Variants in TRPS1 observed in about 807,000 individuals in gnomAD.
TRPS1 encodes zinc finger transcription factor Trps1.
TRPS1 carries 6 observed loss-of-function variants against 101.2 expected under a neutral mutation model. The ratio of observed to expected loss-of-function variants is 0.06; its 90% confidence interval spans 0.03 to 0.12. TRPS1 has a LOEUF of 0.12. Among genes scored for constraint, TRPS1 ranks in the 10% least tolerant of loss-of-function variants. TRPS1 has a pLI of 1.00. For missense variants in TRPS1, 1,363 were observed against 1,567.0 expected, an observed-to-expected ratio of 0.87 and a Z score of 2.20; for synonymous variants, 578 against 589.8, an observed-to-expected ratio of 0.98 and a Z score of 0.29.
In TRPS1 at chr8:115,619,618, T is replaced by G; in HGVS notation, c.480A>C (p.Ser160=). ...TCTTCTGATCTTCCTTTGTCTCCAG[T>G]GAGTCCCCTGAGGGGGTGCAGGCCA... ...QDMACTPSGD[S]LETKEDQKMS... is the part of the protein sequence containing the mutation. Residue 160 remains serine, a synonymous_variant, in exon 3 of 7, where the codon TCA becomes TCC. Coordinates refer to ENST00000395715, the MANE Select transcript of TRPS1 (RefSeq NM_014112.5). The G allele has an allele frequency of 6.2e-7, 1 of 1,614,222 alleles. No homozygotes were observed. The highest frequency in any genetic ancestry group is 2.2e-5 in the East Asian group (1 of 44,878).
chr8:115,536,619 G>A (rs2130292451), intron 5 of TRPS1, among the ~76,000 whole-genome samples: 1 of 151,128 alleles, frequency 6.6e-6, no homozygotes, highest in South Asian at 2.1e-4. Context: ...TATTTTGTGA[G>A]TTCACATTTT....
intron 5 of TRPS1, among the ~76,000 whole-genome samples, chr8:115,419,225 C>T (rs1361309541): frequency 2.0e-5 from 3 of 151,958 alleles, no homozygotes; most frequent in African/African-American, 7.3e-5. Context: ...TTAAAAATAA[C>T]CTAAGAATAT....
intron 5 of TRPS1, among the ~76,000 whole-genome samples, chr8:115,585,375 A>G (rs1211446321): frequency 1.3e-5 from 2 of 152,236 alleles, no homozygotes; most frequent in East Asian, 3.8e-4. Flanking sequence ...ATGGCAGAAA[A>G]GGTAATATTC....
chr8:115,618,351 T>C (rs1818315664), intron 3 of TRPS1, among the ~76,000 whole-genome samples: 1 of 152,226 alleles, frequency 6.6e-6, no homozygotes, highest in South Asian at 2.1e-4. Context: ...GTTCCATGTT[T>C]CGTTCTATTC....
chr8:115,642,015 C>T (rs948286864), intron 1 of TRPS1, among the ~76,000 whole-genome samples: 26 of 151,996 alleles, frequency 1.7e-4, no homozygotes, highest in African/African-American at 6.0e-4. Context: ...GAGTTCAGGA[C>T]CAGCCTGGAA....
intron 5 of TRPS1, among the ~76,000 whole-genome samples, chr8:115,487,324 T>C (rs975649138): frequency 9.2e-5 from 14 of 152,216 alleles, no homozygotes; most frequent in Non-Finnish European, 1.6e-4. Context: ...CCCAGAGCTC[T>C]GATGGATATG....
In TRPS1 at chr8:115,549,556, A is replaced by C. The variant is rs140066552; in HGVS notation, c.2700+37445T>G. Among the ~76,000 whole-genome samples, 244 of 152,232 alleles carry C rather than the reference A, an allele frequency of 1.6e-3. 3 individuals are homozygous for C. The highest frequency in any genetic ancestry group is 5.6e-3 in the African/African-American group (234 of 41,544). Reference sequence around the variant, plus strand: ...AAAGGGATTCCCCTGTCCCCTTTTGACAGCTGAAAAGGCTATCTATATTCC... The same window carrying C: ...AAAGGGATTCCCCTGTCCCCTTTTGCCAGCTGAAAAGGCTATCTATATTCC... On this transcript the variant is annotated intron_variant, in intron 5 of 6. Transcript: ENST00000395715.
At chr8:115,538,175 G>A (rs1816367263) in intron 5 of TRPS1, among the ~76,000 whole-genome samples, 1 of 152,142 alleles carries the variant, frequency 6.6e-6, no homozygotes, top group Non-Finnish European at 1.5e-5. Flanking sequence ...CCAAAGACAA[G>A]GATAGACGGA....
chr8:115,558,872 A>AT (rs939675888), intron 5 of TRPS1, among the ~76,000 whole-genome samples: 1 of 152,116 alleles, frequency 6.6e-6, no homozygotes, highest in African/African-American at 2.4e-5. Context: ...CTAATGTGGT[A>AT]TTTTTTTAAA....
At chr8:115,475,405 T>C (rs1322737041) in intron 5 of TRPS1, among the ~76,000 whole-genome samples, 4 of 151,530 alleles carry the variant, frequency 2.6e-5, no homozygotes, top group Non-Finnish European at 4.4e-5. Flanking sequence ...TGATGCCAAT[T>C]TGAAATTCTT....
chr8:115,452,890 G>T (rs536676521), intron 5 of TRPS1, among the ~76,000 whole-genome samples: 2 of 152,000 alleles, frequency 1.3e-5, no homozygotes, highest in African/African-American at 2.4e-5. Context: ...CATTAATAAC[G>T]CTCTAGATAT....
At chr8:115,438,919 C>A (rs975191438) in intron 5 of TRPS1, among the ~76,000 whole-genome samples, 23 of 152,270 alleles carry the variant, frequency 1.5e-4, no homozygotes, top group African/African-American at 5.3e-4. Flanking sequence ...TGCTAGGCTG[C>A]GAAAATAAAG....
At chr8:115,582,419 A>C (rs1197187690) in intron 5 of TRPS1, among the ~76,000 whole-genome samples, 2 of 152,206 alleles carry the variant, frequency 1.3e-5, no homozygotes, top group Non-Finnish European at 2.9e-5. Flanking sequence ...TTAAACTATA[A>C]ATTTAACGCT....
chr8:115,502,425 G>C (rs1222754653), intron 5 of TRPS1, among the ~76,000 whole-genome samples: 1 of 152,090 alleles, frequency 6.6e-6, no homozygotes, highest in Non-Finnish European at 1.5e-5. Context: ...CTTTGATGCA[G>C]GATCCAGGCA....
chr8:115,558,016 T>C (rs935642063), intron 5 of TRPS1, among the ~76,000 whole-genome samples: 2 of 151,606 alleles, frequency 1.3e-5, no homozygotes. Context: ...ACTAAGAAAC[T>C]CTAAGCTTAG....
intron 5 of TRPS1, among the ~76,000 whole-genome samples, chr8:115,479,366 G>A (rs1484026847): frequency 2.0e-5 from 3 of 152,094 alleles, no homozygotes; most frequent in African/African-American, 7.2e-5. Context: ...GAGTTGGAAA[G>A]TTTCCATAGA....
chr8:115,433,379 T>C (rs1025920928), intron 5 of TRPS1, among the ~76,000 whole-genome samples: 1 of 152,076 alleles, frequency 6.6e-6, no homozygotes, highest in Non-Finnish European at 1.5e-5. Context: ...ATTGGGAATT[T>C]TAATATATCC....
intron 1 of TRPS1, among the ~76,000 whole-genome samples, chr8:115,652,632 A>C (rs1450666610): frequency 1.3e-5 from 2 of 152,202 alleles, no homozygotes; most frequent in Non-Finnish European, 2.9e-5. Context: ...CTTAAAACCT[A>C]ATCTATCTCT....
chr8:115,559,383 T>G (rs764040311), intron 5 of TRPS1, among the ~76,000 whole-genome samples: 4 of 152,158 alleles, frequency 2.6e-5, no homozygotes, highest in African/African-American at 4.8e-5. Flanking sequence ...TGGATAACAC[T>G]AAATTCATAA....
Sources: gnomAD v4.1 joint callset for allele counts (sites outside exome capture counted in the v4.1 genomes callset) on GRCh38, gnomAD v4.1.1 for gene constraint, MANE v1.5 for transcripts, NCBI Gene and HGNC (gene_info 2026-07-23, HGNC 2026-07-21) for gene names.